Variants in ZZEF1 observed in about 807,000 individuals in gnomAD.
ZZEF1 encodes the protein zinc finger ZZ-type and EF-hand domain containing 1, also known as zinc finger ZZ-type and EF-hand domain-containing protein 1.
ZZEF1 carries 157 observed loss-of-function variants against 342.8 expected under a neutral mutation model. That is an observed-to-expected ratio of 0.46 (90% confidence interval 0.40 to 0.52). The LOEUF (loss-of-function observed/expected upper bound fraction) is 0.52. ZZEF1 is among the 20% of genes least tolerant of loss of function. The pLI is 0.00. For synonymous variants in ZZEF1, 1,505 were observed against 1,429.1 expected, an observed-to-expected ratio of 1.05 and a Z score of -1.20; for missense variants, 3,480 against 3,725.6, an observed-to-expected ratio of 0.93 and a Z score of 1.72.
At chr17:4,012,081 G>C (rs1032262096) in intron 52 of ZZEF1, among the ~76,000 whole-genome samples, 2 of 152,230 alleles carry the variant, frequency 1.3e-5, no homozygotes, top group African/African-American at 4.8e-5. Context: ...CCAATGGCCA[G>C]CAGACTGTGC....
At position 4,008,294 on chromosome 17, in the gene ZZEF1, CTTTGT is replaced by C. The variant is rs920280058; in HGVS notation, c.8805+584_8805+588del. 2.5e-5 allele frequency: 4 copies of C among 159,708 alleles called. No individual in the cohort carries two copies. The highest frequency in any genetic ancestry group is 9.6e-5 in the African/African-American group (4 of 41,556). The allele number at this position is 159,708 out of a possible 1,614,324, so 9.9% of individuals were successfully genotyped here. A position where few individuals can be genotyped will look rare whatever the true frequency, so the allele number is the denominator to read the frequency against. On this transcript the variant is annotated intron_variant, in intron 54 of 54. Transcript: ENST00000381638. The surrounding 1 kb of genome is among the most constrained non-coding windows in gnomAD (Gnocchi z 4.2). ...TTTGTCCCAGAGCACTCAGTAATTACTTTGTTTTGAAAAGTTAGAGTCGTTTTTCA... is the reference window on the plus strand; with the variant it reads ...TTTGTCCCAGAGCACTCAGTAATTACTTTGAAAAGTTAGAGTCGTTTTTCA...
intron 7 of ZZEF1, 73 bp downstream of exon 7, chr17:4,105,620 T>TA (rs748152050): frequency 3.0e-4 from 340 of 1,143,918 alleles, no homozygotes; most frequent in African/African-American, 7.8e-4. Context: ...TTAATATATA[T>TA]TTTTTAAAGA....
intron 28 of ZZEF1, among the ~76,000 whole-genome samples, chr17:4,065,776 A>ATTTTTTT (rs2057380083): frequency 6.6e-6 from 1 of 152,198 alleles, no homozygotes; most frequent in South Asian, 2.1e-4. Context: ...AACAACCATA[A>ATTTTTTT]TATTTAAAAA....
intron 27 of ZZEF1, among the ~76,000 whole-genome samples, chr17:4,066,902 C>T (rs924280227): frequency 2.6e-5 from 4 of 152,108 alleles, no homozygotes; most frequent in African/African-American, 9.7e-5. Flanking sequence ...GTATCTAAAG[C>T]GATGCTGTTC....
At chr17:4,101,871 C>T (rs1049007938) in intron 9 of ZZEF1, among the ~76,000 whole-genome samples, 2 of 151,980 alleles carry the variant, frequency 1.3e-5, no homozygotes, top group African/African-American at 4.8e-5. Context: ...CTCAAGTGAT[C>T]CTCCCACCTC....
chr17:4,111,732 T>C (rs1032717603), intron 5 of ZZEF1, among the ~76,000 whole-genome samples: 2 of 143,296 alleles, frequency 1.4e-5, no homozygotes, highest in African/African-American at 5.2e-5. Flanking sequence ...TGTATAAACA[T>C]ATATAAAAAC....
chr17:4,046,767 T>TC (rs1458574269), intron 37 of ZZEF1, among the ~76,000 whole-genome samples: 1 of 152,214 alleles, frequency 6.6e-6, no homozygotes, highest in Non-Finnish European at 1.5e-5. Flanking sequence ...GCAAATGACT[T>TC]ATCTTTTTTC....
chr17:4,008,474 C>G lies in ZZEF1; in HGVS notation c.8805+409G>C. The G allele has an allele frequency of 2.0e-6, 2 of 980,304 alleles. No homozygotes were observed. Among genetic ancestry groups the G allele is most frequent in the Non-Finnish European group, 2.4e-6 (2 of 821,208 alleles). The allele number at this position is 980,304 out of a possible 1,614,324, so 60.7% of individuals were successfully genotyped here. ...TATGCATAATAGACATATCCAAAAGCTTTCTGAGCTCCTCAGTCAGTGAAA... is the reference window on the plus strand; with the variant it reads ...TATGCATAATAGACATATCCAAAAGGTTTCTGAGCTCCTCAGTCAGTGAAA... On this transcript the variant is annotated intron_variant, in intron 54 of 54. Transcript: ENST00000381638. The surrounding 1 kb of genome is among the most constrained non-coding windows in gnomAD (Gnocchi z 4.2).
chr17:4,105,954 C>T (rs2058205444), intron 6 of ZZEF1, 145 bp from the exon 7 acceptor site: 4 of 631,124 alleles, frequency 6.3e-6, no homozygotes. Context: ...ATAAACTGGC[C>T]CTTCTTTTTT....
intron 37 of ZZEF1, among the ~76,000 whole-genome samples, chr17:4,045,969 A>T (rs2056904464): frequency 1.3e-5 from 2 of 151,926 alleles, no homozygotes; most frequent in South Asian, 4.1e-4. Flanking sequence ...CTGGGACTAC[A>T]GGTGTCCGCC....
At chr17:4,032,287 G>C (rs779595140) in intron 41 of ZZEF1, 29 bp from the exon 42 acceptor site, 2 of 1,599,996 alleles carry the variant, frequency 1.3e-6, no homozygotes, top group Non-Finnish European at 1.7e-6. Context: ...AGACAGAAAG[G>C]CAACTCAAAC....
In ZZEF1 at chr17:4,114,440, T is replaced by C. The variant is rs1390322009; in HGVS notation, c.725A>G (p.Glu242Gly). ...TGCTACTGACTTGAGTTTATCCATC[T>C]CTGGACTTCTAGTTAGATCTCCAGG... The part of the protein sequence containing the change: ...ESPGDLTRSP[E>G]MDKLKSVAKC... Residue 242 changes from glutamate (E) to glycine (G), a missense_variant, in exon 4 of 55, where the codon GAG becomes GGG. Coordinates refer to ENST00000381638, the MANE Select transcript of ZZEF1 (RefSeq NM_015113.4). 6.3e-7 allele frequency: 1 copy of C among 1,596,718 alleles called. No homozygotes were observed. The highest frequency in any genetic ancestry group is 8.5e-7 in the Non-Finnish European group (1 of 1,171,760).
In ZZEF1 at chr17:4,142,700, T is replaced by C; in HGVS notation, c.196A>G (p.Thr66Ala). The change falls in exon 1 of 55, where the codon ACA becomes GCA. Residue 66 changes from threonine to alanine, a missense_variant. Around this residue, in one of 5 missense-constraint regions of ZZEF1, gnomAD observed 416 missense variants for 374.2 expected, o/e 1.11. Transcript: ENST00000381638. ...LREAAAALLP[T>A]PPCESLVSRH... ...GACACCAGCGACTCGCAGGGGGGTGTGGGCAGCAACGCTGCAGCAGCCTCT... is the reference window on the plus strand; with the variant it reads ...GACACCAGCGACTCGCAGGGGGGTGCGGGCAGCAACGCTGCAGCAGCCTCT... 6.2e-7 allele frequency: 1 copy of C among 1,602,556 alleles called. No individual in the cohort carries two copies. The highest frequency in any genetic ancestry group is 8.5e-7 in the Non-Finnish European group (1 of 1,177,850).
In ZZEF1 at chr17:4,142,720, G is replaced by A; in HGVS notation, c.176C>T (p.Ala59Val). Reference sequence around the variant, plus strand: ...GGGTGTGGGCAGCAACGCTGCAGCAGCCTCTCGCAGCCTGGCCGGCTCCAG... The same window carrying A: ...GGGTGTGGGCAGCAACGCTGCAGCAACCTCTCGCAGCCTGGCCGGCTCCAG... ...ALLEPARLREAAAALLPTPPC... is the reference protein window; with the variant it reads ...ALLEPARLREVAAALLPTPPC... Residue 59 changes from alanine to valine, a missense_variant, in exon 1 of 55, where the codon GCT becomes GTT. Ala to Val is a moderately conservative substitution (Grantham distance 64). Around this residue, in one of 5 missense-constraint regions of ZZEF1, gnomAD observed 416 missense variants for 374.2 expected, o/e 1.11. Coordinates refer to ENST00000381638, the MANE Select transcript of ZZEF1 (RefSeq NM_015113.4). 1 of 1,561,138 alleles carries A rather than the reference G, an allele frequency of 6.4e-7. No individual in the cohort carries two copies. Among genetic ancestry groups the A allele is most frequent in the Non-Finnish European group, 8.6e-7 (1 of 1,158,978 alleles).
Position 4,142,607 on chromosome 17 carries a change from G to A in ZZEF1, c.289C>T (p.Leu97=). The change falls in exon 1 of 55, where the codon CTG becomes TTG. Residue 97 remains leucine (L), a synonymous_variant. Coordinates refer to ENST00000381638, the MANE Select transcript of ZZEF1 (RefSeq NM_015113.4). ...TCCAGCAGCTCCCGGAACTGCTCCA[G>A]AGTGACAGACTCTTCGCCGCGGCCC... The part of the protein sequence containing the change: ...RLGRGEESVT[L]EQFRELLEAR... 1 of 1,605,486 alleles carries A rather than the reference G, an allele frequency of 6.2e-7. No homozygotes were observed. Among genetic ancestry groups the A allele is most frequent in the Non-Finnish European group, 8.5e-7 (1 of 1,179,730 alleles).
intron 39 of ZZEF1, among the ~76,000 whole-genome samples, chr17:4,036,472 C>T (rs1342355163): frequency 6.6e-6 from 1 of 152,036 alleles, no homozygotes; most frequent in African/African-American, 2.4e-5. Context: ...CGGTGGCTCA[C>T]GCCTGTAATC....
intron 4 of ZZEF1, among the ~76,000 whole-genome samples, chr17:4,113,711 C>T (rs1367334809): frequency 1.3e-5 from 2 of 150,304 alleles, no homozygotes; most frequent in Non-Finnish European, 3.0e-5. Flanking sequence ...CAGTGGCTCA[C>T]ACCTATAAAC....
intron 24 of ZZEF1, 68 bp from the exon 25 acceptor site, chr17:4,072,824 G>A: frequency 2.1e-6 from 3 of 1,448,376 alleles, no homozygotes; most frequent in Non-Finnish European, 2.8e-6. Context: ...TTTGAAATGA[G>A]AAAGAAAAGG....
Position 4,062,062 on chromosome 17 carries a change from C to T in ZZEF1, c.4883+691G>A, listed in dbSNP as rs192198799. Among the ~76,000 whole-genome samples the T allele has an allele frequency of 5.5e-4, 83 of 152,212 alleles. 1 individual carries two copies. Among genetic ancestry groups the T allele is most frequent in the Non-Finnish European group, 1.0e-4 (7 of 68,010 alleles). ...TTCTCACCTTATCCCATCCCATTTT[C>T]CCTGTCACTCAGCCACACTGGTTTT... On this transcript the variant is annotated intron_variant, in intron 30 of 54. Transcript: ENST00000381638.
Sources: allele counts gnomAD v4.1 joint callset (sites outside exome capture counted in the v4.1 genomes callset), GRCh38; gene constraint gnomAD v4.1.1; regional missense constraint gnomAD v4.1.1; non-coding constraint Gnocchi (gnomAD v3.1); transcripts MANE v1.5; gene names NCBI Gene and HGNC (gene_info 2026-07-23, HGNC 2026-07-21).